Variants in DDX59 observed in about 807,000 individuals in gnomAD.
DDX59 encodes the protein probable ATP-dependent RNA helicase DDX59.
Under a neutral mutation model 51.9 loss-of-function variants are expected in DDX59, and 30 were observed. The observed-to-expected ratio is 0.58, with a 90% CI of 0.43 to 0.78. The LOEUF is 0.78. Among genes scored for constraint, DDX59 ranks in the 30% least tolerant of loss-of-function variants. The probability of loss-of-function intolerance (pLI) is 0.00; values close to 1 mark genes in which losing one functional copy is unlikely to be tolerated. For synonymous variants in DDX59, 255 were observed against 253.3 expected (o/e 1.01, Z -0.06); for missense variants, 672 against 730.8 (o/e 0.92, Z 0.93).
At chr1:200,665,483 C>CAA (rs369902325) in intron 2 of DDX59, among the ~76,000 whole-genome samples, 12 of 88,156 alleles carry the variant, frequency 1.4e-4, no homozygotes, top group South Asian at 1.4e-3. Flanking sequence ...AACTCGGTCC[C>CAA]AAAAAAAGAA....
Position 200,664,017 on chromosome 1 carries a change from T to C in DDX59, c.874A>G (p.Lys292Glu). The C allele has an allele frequency of 6.2e-7, 1 of 1,614,226 alleles. No homozygotes were observed. The highest frequency in any genetic ancestry group is 1.1e-5 in the South Asian group (1 of 91,080). The change falls in exon 3 of 8, where the codon AAA (lysine) becomes GAA (glutamate). Residue 292 changes from lysine (K) to glutamate (E), a missense_variant. Physicochemically the swap from Lys to Glu is moderately conservative, Grantham distance 56 (BLOSUM62 1). Transcript: ENST00000331314. ...ELAIQIERQA[K>E]ELMSGLPRMK... ...CGTGGCAGGCCACTCATCAATTCTTTAGCTTGTCTCTCTATCTGAATGGCT... is the reference window on the plus strand; with the variant it reads ...CGTGGCAGGCCACTCATCAATTCTTCAGCTTGTCTCTCTATCTGAATGGCT...
chr1:200,659,101 G>C lies in DDX59; in HGVS notation c.988C>G (p.Pro330Ala), dbSNP rs1239135499. The C allele has an allele frequency of 1.6e-5, 25 of 1,612,904 alleles. No individual in the cohort carries two copies. Among genetic ancestry groups the C allele is most frequent in the Non-Finnish European group, 1.9e-5 (23 of 1,179,534 alleles). ...QQHVKVIIAT[P>A]GRLLDIIKQS... The stretch of plus-strand genomic sequence containing the variant: ...TTTATTATATCCAGAAGTCGCCCAG[G>C]GGTTGCTATGATAACCTAAATAAAA... Residue 330 changes from proline (P) to alanine (A), a missense_variant, in exon 4 of 8, where the codon CCT becomes GCT. By Grantham distance (27) the Pro-to-Ala change is conservative (BLOSUM62 -1). Transcript: ENST00000331314.
intron 3 of DDX59, among the ~76,000 whole-genome samples, chr1:200,661,603 T>C (rs1338546071): frequency 6.6e-6 from 1 of 152,032 alleles, no homozygotes; most frequent in Non-Finnish European, 1.5e-5. Context: ...GCCAAGATTA[T>C]GAGGAAAAAA....
In DDX59 at chr1:200,656,791, C is replaced by T. The variant is rs146745238; in HGVS notation, c.1062+2236G>A. On this transcript the variant is annotated intron_variant, in intron 4 of 7. Coordinates refer to ENST00000331314, the MANE Select transcript of DDX59 (RefSeq NM_001031725.6). ...GGATGAGGCCAAGTGCAGTGGCTCA[C>T]GCCTGTAATCCCAACACTTTGGGAG... Among the ~76,000 whole-genome samples, 443 of 152,298 alleles carry T rather than the reference C, an allele frequency of 2.9e-3. 3 individuals carry two copies. Among genetic ancestry groups the T allele is most frequent in the African/African-American group, 0.01 (416 of 41,566 alleles).
In DDX59 at chr1:200,666,746, A is replaced by AT; in HGVS notation, c.-7_-6insA. 1 of 1,603,726 alleles carries AT rather than the reference A, an allele frequency of 6.2e-7. No homozygotes were observed. Among genetic ancestry groups the AT allele is most frequent in the Non-Finnish European group, 8.5e-7 (1 of 1,174,078 alleles). Reference sequence around the variant, plus strand: ...AGAGATCTTGGAACAAACATCCTTCAATATTCTGTTAAGGAAATTATATAA... The same window carrying AT: ...AGAGATCTTGGAACAAACATCCTTCATATATTCTGTTAAGGAAATTATATAA... On this transcript the variant is annotated 5_prime_UTR_variant, in exon 2 of 8. In the 5' UTR this introduces an upstream ATG that the reference lacks. Transcript: ENST00000331314.
At chr1:200,666,828 C>A in intron 1 of DDX59, 77 bp from the exon 2 acceptor site, 1 of 1,450,872 alleles carries the variant, frequency 6.9e-7, no homozygotes, top group Non-Finnish European at 9.3e-7. Flanking sequence ...TGATTAAGGA[C>A]AAGGTGCGGT....
chr1:200,659,785 T>A (rs528062529), intron 3 of DDX59, among the ~76,000 whole-genome samples: 97 of 152,232 alleles, frequency 6.4e-4, no homozygotes, highest in Non-Finnish European at 1.1e-3. Flanking sequence ...CTTCCCCAGC[T>A]CCAGGGGTCT....
intron 1 of DDX59, 66 bp from the exon 2 acceptor site, chr1:200,666,817 A>G: frequency 1.3e-6 from 2 of 1,497,628 alleles, no homozygotes; most frequent in Non-Finnish European, 1.8e-6. Context: ...AAAGTACCAT[A>G]TGATTAAGGA....
intron 3 of DDX59, among the ~76,000 whole-genome samples, chr1:200,660,167 C>T (rs897890872): frequency 6.6e-6 from 1 of 152,178 alleles, no homozygotes; most frequent in Non-Finnish European, 1.5e-5. Context: ...TTACTATTTT[C>T]CTTGGCCACC....
intron 4 of DDX59, among the ~76,000 whole-genome samples, chr1:200,657,987 G>T (rs1219293716): frequency 6.6e-6 from 1 of 152,154 alleles, no homozygotes; most frequent in Non-Finnish European, 1.5e-5. Context: ...TAACCAGCTT[G>T]CCTAAGCTCT....
intron 4 of DDX59, among the ~76,000 whole-genome samples, chr1:200,653,466 T>A (rs750142516): frequency 6.6e-6 from 1 of 152,180 alleles, no homozygotes; most frequent in Non-Finnish European, 1.5e-5. Flanking sequence ...CCAACTCATA[T>A]TTGCAAGACT....
chr1:200,653,940 C>G (rs188843260), intron 4 of DDX59, among the ~76,000 whole-genome samples: 2 of 152,200 alleles, frequency 1.3e-5, no homozygotes, highest in Admixed American at 1.3e-4. Flanking sequence ...CACAGCTACA[C>G]GAGACAGTTT....
In DDX59 at chr1:200,666,231, C is replaced by T. The variant is rs1328486187; in HGVS notation, c.510G>A (p.Glu170=). 1 of 1,614,190 alleles carries T rather than the reference C, an allele frequency of 6.2e-7. No individual in the cohort carries two copies. Residue 170 remains glutamate (E), a synonymous_variant, in exon 2 of 8, where the codon GAG becomes GAA. Transcript: ENST00000331314. ...SPLNASYVYK[E]HPFILNLQED... is the part of the protein sequence containing the mutation. ...CCTGAAGGTTCAAAATAAAGGGGTG[C>T]TCTTTGTAGACATAGGAAGCATTCA... is the stretch of plus-strand genomic sequence containing the variant.
At chr1:200,657,552 A>G (rs1251191863) in intron 4 of DDX59, among the ~76,000 whole-genome samples, 2 of 152,130 alleles carry the variant, frequency 1.3e-5, no homozygotes, top group Non-Finnish European at 2.9e-5. Context: ...GATTGAGACC[A>G]TCCTGGCTAA....
intron 1 of DDX59, 141 bp downstream of exon 1, chr1:200,669,626 G>A (rs1663033895): frequency 6.6e-6 from 1 of 152,318 alleles, no homozygotes; most frequent in African/African-American, 2.4e-5. Context: ...GTTCCGGGTA[G>A]AGGCCTGGGA....
At chr1:200,659,191 G>A (rs1662225048) in intron 3 of DDX59, 75 bp from the exon 4 acceptor site, 2 of 1,130,702 alleles carry the variant, frequency 1.8e-6, no homozygotes, top group African/African-American at 1.5e-5. Context: ...TATTGATTGA[G>A]CAACTAATAT....
intron 7 of DDX59, 136 bp from the exon 8 acceptor site, chr1:200,644,653 T>C (rs1661181130): frequency 2.8e-6 from 3 of 1,088,630 alleles, no homozygotes; most frequent in African/African-American, 3.3e-5. Context: ...CCCAGCACTT[T>C]GGGAGCTGAG....
At chr1:200,646,137 C>T (rs1661276957) in intron 7 of DDX59, among the ~76,000 whole-genome samples, 1 of 152,082 alleles carries the variant, frequency 6.6e-6, no homozygotes, top group Non-Finnish European at 1.5e-5. Flanking sequence ...GGTTCAAGAC[C>T]AGCCAGGGCA....
intron 7 of DDX59, among the ~76,000 whole-genome samples, chr1:200,647,377 C>A (rs1338597080): frequency 6.6e-6 from 1 of 151,962 alleles, no homozygotes; most frequent in Non-Finnish European, 1.5e-5. Flanking sequence ...GACAAGATTC[C>A]TTAAAAAAAT....
Sources: gnomAD v4.1 joint callset for allele counts (sites outside exome capture counted in the v4.1 genomes callset) on GRCh38, gnomAD v4.1.1 for gene constraint, MANE v1.5 for transcripts, NCBI Gene and HGNC (gene_info 2026-07-23, HGNC 2026-07-21) for gene names.